MERTK: variants seen among roughly 807,000 people sequenced by gnomAD.
MERTK encodes MER proto-oncogene, tyrosine kinase, also known as tyrosine-protein kinase Mer.
MERTK carries 69 observed loss-of-function variants against 99.3 expected under a neutral mutation model. The observed-to-expected ratio is 0.70, with a 90% CI of 0.57 to 0.85. The LOEUF is 0.85. MERTK is among the 40% of genes least tolerant of loss of function. MERTK has a pLI of 0.00. For synonymous variants in MERTK, 426 were observed against 467.6 expected, an observed-to-expected ratio of 0.91 and a Z score of 1.15; for missense variants, 1,125 against 1,249.4, an observed-to-expected ratio of 0.90 and a Z score of 1.50.
Position 111,994,257 on chromosome 2 carries a change from C to T in MERTK, c.1303C>T (p.Leu435Phe), listed in dbSNP as rs765755284. The change falls in exon 9 of 19, where the codon CTC becomes TTC. Residue 435 changes from leucine to phenylalanine, a missense_variant. Leu to Phe is a conservative substitution (Grantham distance 22). Coordinates refer to ENST00000295408, the MANE Select transcript of MERTK (RefSeq NM_006343.3). ...VWQSAGISKELLEEVGQNGSR... is the reference protein window; with the variant it reads ...VWQSAGISKEFLEEVGQNGSR... ...TCTTCCTCTCTGTCTCCAGAAAGAG[C>T]TCTTGGAGGAAGTTGGCCAGAATGG... 2 of 1,613,952 alleles carry T rather than the reference C, an allele frequency of 1.2e-6. No individual in the cohort carries two copies. The highest frequency in any genetic ancestry group is 8.5e-7 in the Non-Finnish European group (1 of 1,180,018).
intron 1 of MERTK, among the ~76,000 whole-genome samples, chr2:111,928,012 A>G (rs1482850586): frequency 6.6e-6 from 1 of 152,220 alleles, no homozygotes; most frequent in Admixed American, 6.5e-5. Flanking sequence ...GAAAGCTAAA[A>G]GTACAGCTAT....
At chr2:112,026,669 G>T (rs1677466708) in intron 18 of MERTK, among the ~76,000 whole-genome samples, 1 of 152,212 alleles carries the variant, frequency 6.6e-6, no homozygotes, top group Non-Finnish European at 1.5e-5. Context: ...CTACATTCAG[G>T]ATCAAGCTCT....
At chr2:111,930,392 C>G (rs2104687810) in intron 2 of MERTK, 1 of 152,206 alleles carries the variant, frequency 6.6e-6, no homozygotes, top group East Asian at 1.9e-4. Flanking sequence ...AACTCCTGCA[C>G]TGTTCAGTAG....
At chr2:111,959,317 G>A (rs139922014) in intron 4 of MERTK, among the ~76,000 whole-genome samples, 2 of 152,082 alleles carry the variant, frequency 1.3e-5, no homozygotes, top group African/African-American at 4.8e-5. Flanking sequence ...CAGTTACTTC[G>A]CCAGTTCTCC....
intron 4 of MERTK, among the ~76,000 whole-genome samples, chr2:111,960,306 C>T (rs1011961562): frequency 1.3e-5 from 2 of 151,838 alleles, no homozygotes; most frequent in Non-Finnish European, 2.9e-5. Context: ...CATGGTAAAA[C>T]CCTGTCTCCA....
chr2:112,028,718 G>C lies in MERTK; in HGVS notation c.2854G>C (p.Glu952Gln), dbSNP rs751837884. The change falls in exon 19 of 19, where the codon GAA (glutamate) becomes CAA (glutamine). Residue 952 changes from glutamate to glutamine, a missense_variant. Physicochemically the swap from Glu to Gln is conservative, Grantham distance 29. Transcript: ENST00000295408. ...TGCCCCCTCTGCTGCAGTCACAGCT[G>C]AAAAGAACAGTGTTTTACCGGGGGA... ...TSAPSAAVTA[E>Q]KNSVLPGERL... The C allele has an allele frequency of 2.3e-5, 37 of 1,614,192 alleles. No individual in the cohort carries two copies. Among genetic ancestry groups the C allele is most frequent in the Non-Finnish European group, 3.1e-5 (36 of 1,180,030 alleles).
chr2:111,946,387 A>G (rs1354940184), intron 3 of MERTK, among the ~76,000 whole-genome samples: 2 of 152,224 alleles, frequency 1.3e-5, no homozygotes, highest in Admixed American at 6.5e-5. Flanking sequence ...CTGCCACGTC[A>G]TTCCTGCTGG....
chr2:111,991,387 T>A (rs10189399), intron 8 of MERTK, among the ~76,000 whole-genome samples: 93,816 of 151,668 alleles, frequency 0.62, 29,396 homozygotes, highest in Middle Eastern at 0.69. Context: ...CACTACACCC[T>A]GCTAATTTTT....
intron 1 of MERTK, among the ~76,000 whole-genome samples, chr2:111,920,189 C>G (rs1049401483): frequency 6.6e-6 from 1 of 152,188 alleles, no homozygotes; most frequent in Admixed American, 6.5e-5. Context: ...TCTGGCAACC[C>G]AATGCCAACA....
intron 15 of MERTK, among the ~76,000 whole-genome samples, chr2:112,016,225 A>G (rs1677212448): frequency 6.6e-6 from 1 of 152,228 alleles, no homozygotes; most frequent in Non-Finnish European, 1.5e-5. Flanking sequence ...ATCCTTTTGA[A>G]CAAAATAACA....
chr2:111,978,387 T>C (rs1371087465), intron 7 of MERTK, among the ~76,000 whole-genome samples: 1 of 151,984 alleles, frequency 6.6e-6, no homozygotes, highest in African/African-American at 2.4e-5. Context: ...TAAGGTGATC[T>C]GCCTGCCTTG....
chr2:111,949,628 T>G lies in MERTK; in HGVS notation c.757+2061T>G, dbSNP rs192737947. Among the ~76,000 whole-genome samples the G allele has an allele frequency of 1.7e-3, 262 of 152,296 alleles. 2 individuals carry two copies. Among genetic ancestry groups the G allele is most frequent in the East Asian group, 3.1e-3 (16 of 5,190 alleles). ...TTGACATACAATTAAGTGCATAGAA[T>G]TCAGTTGTACAACTCAGTGAGTTTT... is the stretch of plus-strand genomic sequence containing the variant. On this transcript the variant is annotated intron_variant, in intron 4 of 18. Transcript: ENST00000295408.
At chr2:111,925,587 G>A (rs1475977779) in intron 1 of MERTK, among the ~76,000 whole-genome samples, 1 of 151,642 alleles carries the variant, frequency 6.6e-6, no homozygotes, top group Non-Finnish European at 1.5e-5. Context: ...ACAGGCGTGA[G>A]CCACCGCGCC....
chr2:111,946,673 C>T (rs1333254242), intron 3 of MERTK, among the ~76,000 whole-genome samples: 1 of 152,198 alleles, frequency 6.6e-6, no homozygotes, highest in African/African-American at 2.4e-5. Context: ...AATAGAATGT[C>T]TTCGTACCAT....
chr2:111,953,899 A>G (rs1051850196), intron 4 of MERTK, among the ~76,000 whole-genome samples: 27 of 152,102 alleles, frequency 1.8e-4, no homozygotes, highest in Non-Finnish European at 1.8e-4. Flanking sequence ...TCAAATGTCA[A>G]TTGTGCTCAT....
At position 112,003,950 on chromosome 2, in the gene MERTK, G is replaced by C; in HGVS notation, c.1833G>C (p.Gly611=). The change falls in exon 13 of 19, where the codon GGG becomes GGC. Residue 611 remains glycine, a synonymous_variant. Coordinates refer to ENST00000295408, the MANE Select transcript of MERTK (RefSeq NM_006343.3). ...VMEGNLKQED[G]TSLKVAVKTM... ...AAGGAAATCTTAAGCAGGAAGATGG[G>C]ACCTCTCTGAAAGTGGCAGTGAAGA... 1 of 1,613,756 alleles carries C rather than the reference G, an allele frequency of 6.2e-7. No individual in the cohort carries two copies. The highest frequency in any genetic ancestry group is 8.5e-7 in the Non-Finnish European group (1 of 1,179,706).
In MERTK at chr2:112,022,270, G is replaced by A. The variant is rs769691218; in HGVS notation, c.2362G>A (p.Val788Met). The change falls in exon 18 of 19, where the codon GTG becomes ATG. Residue 788 changes from valine (V) to methionine (M), a missense_variant. By Grantham distance (21) the Val-to-Met change is conservative. Transcript: ENST00000295408. The part of the protein sequence containing the change: ...TSKSDVWAFG[V>M]TMWEIATRGM... ...GCTTTGTTCCCAGTGGGCATTTGGC[G>A]TGACCATGTGGGAAATAGCTACGCG... The A allele has an allele frequency of 1.1e-5, 17 of 1,614,116 alleles. No individual in the cohort carries two copies. The highest frequency in any genetic ancestry group is 1.7e-5 in the Admixed American group (1 of 60,004).
intron 16 of MERTK, 73 bp from the exon 17 acceptor site, chr2:112,021,349 C>T: frequency 6.2e-7 from 1 of 1,601,964 alleles, no homozygotes; most frequent in South Asian, 1.1e-5. Context: ...GTGTTTTCAC[C>T]TGTGTCTGAT....
chr2:112,026,602 C>T (rs1179438876), intron 18 of MERTK, among the ~76,000 whole-genome samples: 1 of 152,150 alleles, frequency 6.6e-6, no homozygotes, highest in Non-Finnish European at 1.5e-5. Context: ...AACCCCTAAG[C>T]CTGAGATGAG....
Sources: allele counts gnomAD v4.1 joint callset (sites outside exome capture counted in the v4.1 genomes callset), GRCh38; gene constraint gnomAD v4.1.1; transcripts MANE v1.5; gene names NCBI Gene and HGNC (gene_info 2026-07-23, HGNC 2026-07-21).